RNF157: variants seen among roughly 807,000 people sequenced by gnomAD.
The protein encoded by RNF157 is ring finger protein 157, also known as E3 ubiquitin ligase RNF157.
Under a neutral mutation model 88.3 loss-of-function variants are expected in RNF157, and 55 were observed. The ratio of observed to expected loss-of-function variants is 0.62; its 90% confidence interval spans 0.50 to 0.78. The LOEUF is 0.78. RNF157 is among the 30% of genes least tolerant of loss of function. The pLI is 0.00. For synonymous variants in RNF157, 334 were observed against 341.2 expected (o/e 0.98, Z 0.23); for missense variants, 788 against 860.8 (o/e 0.92, Z 1.06).
At chr17:76,181,334 A>C (rs912210107) in intron 2 of RNF157, among the ~76,000 whole-genome samples, 1 of 152,182 alleles carries the variant, frequency 6.6e-6, no homozygotes, top group Non-Finnish European at 1.5e-5. Flanking sequence ...GTACAAAATC[A>C]TACCACGCAC....
In RNF157 at chr17:76,193,696, G is replaced by A. The variant is rs1316098175; in HGVS notation, c.207+18668C>T. On this transcript the variant is annotated intron_variant, in intron 2 of 18. Transcript: ENST00000269391. ...CCTTTTGTCTGTTGTGACCCTGACTGTCTAACAAACAAACGTGACTTCTGA... is the reference window on the plus strand; with the variant it reads ...CCTTTTGTCTGTTGTGACCCTGACTATCTAACAAACAAACGTGACTTCTGA... 2.0e-5 allele frequency among the ~76,000 whole-genome samples: 3 copies of A among 152,168 alleles called. No homozygotes were observed. In the East Asian group the frequency reaches 5.8e-4, roughly 29 times the overall value.
rs1278091396 is a variant in RNF157, at chr17:76,176,857, C to A, written c.208-3067G>T. Reference sequence around the variant, plus strand: ...GGCCCCGGGCAGGAAGTGGGAGCAGCTTCCGCTTCGGGCACCTGGCCATTG... The same window carrying A: ...GGCCCCGGGCAGGAAGTGGGAGCAGATTCCGCTTCGGGCACCTGGCCATTG... On this transcript the variant is annotated intron_variant, in intron 2 of 18. Coordinates refer to ENST00000269391, the MANE Select transcript of RNF157 (RefSeq NM_052916.3). The surrounding 1 kb of genome is among the most constrained non-coding windows in gnomAD (Gnocchi z 4.2). Among the ~76,000 whole-genome samples, 1 of 152,132 alleles carries A rather than the reference C, an allele frequency of 6.6e-6. No homozygotes were observed. The highest frequency in any genetic ancestry group is 1.5e-5 in the Non-Finnish European group (1 of 68,022).
intron 1 of RNF157, among the ~76,000 whole-genome samples, chr17:76,222,180 T>C (rs2069995663): frequency 6.6e-6 from 1 of 152,124 alleles, no homozygotes. Context: ...ACCCCGTCTC[T>C]ACTAAAAATA....
chr17:76,182,890 A>G (rs559750505), intron 2 of RNF157, among the ~76,000 whole-genome samples: 1 of 147,632 alleles, frequency 6.8e-6, no homozygotes, highest in East Asian at 2.0e-4. Flanking sequence ...TAATATGAAA[A>G]CTATATTATT....
intron 1 of RNF157, among the ~76,000 whole-genome samples, chr17:76,224,220 A>G (rs1480704137): frequency 6.6e-6 from 1 of 152,226 alleles, no homozygotes; most frequent in Non-Finnish European, 1.5e-5. Flanking sequence ...TAATTTGCCT[A>G]ATCATTTTGA....
chr17:76,166,429 G>C (rs1237470189), intron 6 of RNF157, 32 bp downstream of exon 6: 1 of 1,581,752 alleles, frequency 6.3e-7, no homozygotes, highest in Non-Finnish European at 8.7e-7. Context: ...AGAGCAGTGT[G>C]CACAGCCAAA....
rs186666182 is a variant in RNF157, at chr17:76,220,362, G to A, written c.89-7880C>T. 2.2e-5 allele frequency among the ~76,000 whole-genome samples: 3 copies of A among 138,384 alleles called. No individual in the cohort carries two copies. The Admixed American group carries it at 2.3e-4, about 10-fold the overall frequency. The allele number at this position is 138,384 out of a possible 152,430, so 90.8% of individuals were successfully genotyped here. ...TAATAAGGGCAAGGAATAAGTCTAA[G>A]TCAATGAGTTCGTAATGATATCTAA... On this transcript the variant is annotated intron_variant, in intron 1 of 18. Transcript: ENST00000269391.
intron 18 of RNF157, 31 bp from the exon 19 acceptor site, chr17:76,145,384 C>T: frequency 6.4e-7 from 1 of 1,567,362 alleles, no homozygotes; most frequent in Non-Finnish European, 8.8e-7. Flanking sequence ...ATTACAGGAG[C>T]CAGACCTTTG....
intron 2 of RNF157, among the ~76,000 whole-genome samples, chr17:76,204,880 G>A (rs1236489642): frequency 1.3e-5 from 2 of 151,480 alleles, no homozygotes; most frequent in African/African-American, 4.9e-5. Flanking sequence ...TGCATCCTGG[G>A]TTCAAGCGAT....
At chr17:76,168,057 A>G (rs2068956161) in intron 3 of RNF157, among the ~76,000 whole-genome samples, 1 of 152,184 alleles carries the variant, frequency 6.6e-6, no homozygotes, top group South Asian at 2.1e-4. Context: ...TATTAATCAC[A>G]TAGTTTAAAT....
rs774004698 is a variant in RNF157 at position 76,156,277 on chromosome 17, T to G, written c.1458A>C (p.Ser486=). ...TPESENLTLS[S]SGAIDQSSCT... ...AAGACGACTGGTCAATAGCTCCAGA[T>G]GACGACAAGGTGAGATTCTCACTTT... Residue 486 remains serine, a synonymous_variant, in exon 14 of 19, where the codon TCA becomes TCC. Transcript: ENST00000269391. 6.2e-7 allele frequency: 1 copy of G among 1,614,100 alleles called. No homozygotes were observed. The highest frequency in any genetic ancestry group is 1.1e-5 in the South Asian group (1 of 91,082).
intron 1 of RNF157, among the ~76,000 whole-genome samples, chr17:76,230,672 T>C (rs2070170749): frequency 6.6e-6 from 1 of 151,848 alleles, no homozygotes; most frequent in Admixed American, 6.6e-5. Flanking sequence ...ACCACATCTC[T>C]ACTAAAAATA....
At chr17:76,221,420 A>C (rs1358601017) in intron 1 of RNF157, among the ~76,000 whole-genome samples, 4 of 152,194 alleles carry the variant, frequency 2.6e-5, no homozygotes, top group Non-Finnish European at 5.9e-5. Flanking sequence ...ATGATTAATG[A>C]GAGTTCAAGG....
At chr17:76,147,268 C>T (rs2068599168) in intron 18 of RNF157, 1 of 984,554 alleles carries the variant, frequency 1.0e-6, no homozygotes, top group Admixed American at 6.2e-5. Context: ...AGATCTCATA[C>T]CTATTCCTCA....
intron 2 of RNF157, among the ~76,000 whole-genome samples, chr17:76,206,170 G>A (rs564167588): frequency 6.6e-6 from 1 of 152,240 alleles, no homozygotes; most frequent in African/African-American, 2.4e-5. Flanking sequence ...AGTCGAGGCT[G>A]CAGTGAGCTG....
At position 76,161,651 on chromosome 17, in the gene RNF157, T is replaced by A; in HGVS notation, c.953-4A>T. On this transcript the variant is annotated splice_region_variant and splice_polypyrimidine_tract_variant and intron_variant, in intron 10 of 18. Coordinates refer to ENST00000269391, the MANE Select transcript of RNF157 (RefSeq NM_052916.3). This position sits in a 1 kb window ranked among gnomAD's most constrained non-coding sequence, Gnocchi z 4.6. The stretch of plus-strand genomic sequence containing the variant: ...ATCTGAAGCAGTGCCCGGAAGGCTG[T>A]GAAGGAGAAAACAGGCAATCAGGAC... 1 of 1,612,520 alleles carries A rather than the reference T, an allele frequency of 6.2e-7. No homozygotes were observed. The highest frequency in any genetic ancestry group is 8.5e-7 in the Non-Finnish European group (1 of 1,179,018).
At chr17:76,177,583 G>A (rs1018640702) in intron 2 of RNF157, among the ~76,000 whole-genome samples, 5 of 151,868 alleles carry the variant, frequency 3.3e-5, no homozygotes, top group Admixed American at 1.3e-4. Context: ...CAGGGAGGAC[G>A]TGAAGGCTGG....
intron 1 of RNF157, among the ~76,000 whole-genome samples, chr17:76,236,415 G>A (rs544194761): frequency 5.3e-5 from 8 of 152,116 alleles, no homozygotes; most frequent in Admixed American, 2.6e-4. Flanking sequence ...AACCATCTCC[G>A]CAAAGCCATA....
chr17:76,225,115 T>C (rs1374527925), intron 1 of RNF157, among the ~76,000 whole-genome samples: 1 of 152,116 alleles, frequency 6.6e-6, no homozygotes. Context: ...GAGGCTGCAG[T>C]GAGCCAAGAT....
Sources: gnomAD v4.1 joint callset for allele counts (sites outside exome capture counted in the v4.1 genomes callset) on GRCh38, gnomAD v4.1.1 for gene constraint, Gnocchi (gnomAD v3.1) non-coding constraint, MANE v1.5 for transcripts, NCBI Gene and HGNC (gene_info 2026-07-23, HGNC 2026-07-21) for gene names.